GTF2E2: variants seen among roughly 807,000 people sequenced by gnomAD.
The protein encoded by GTF2E2 is transcription initiation factor IIE subunit beta.
Under a neutral mutation model 40.5 loss-of-function variants are expected in GTF2E2, and 21 were observed. The ratio of observed to expected loss-of-function variants is 0.52; its 90% confidence interval spans 0.37 to 0.75. The LOEUF (loss-of-function observed/expected upper bound fraction) is 0.75, where lower values mean the gene tolerates loss of function less well. GTF2E2 is among the 30% of genes least tolerant of loss of function. The pLI, the probability that GTF2E2 is intolerant of heterozygous loss-of-function variation, is 0.00. For missense variants in GTF2E2, 298 were observed against 338.4 expected (o/e 0.88, Z 0.94); for synonymous variants, 117 against 121.6 (o/e 0.96, Z 0.25).
chr8:30,593,748 C>CT (rs1433788970), intron 6 of GTF2E2, among the ~76,000 whole-genome samples: 1 of 152,140 alleles, frequency 6.6e-6, no homozygotes, highest in African/African-American at 2.4e-5. Context: ...TCCCAAAGTG[C>CT]TGGGATCACA....
intron 1 of GTF2E2, chr8:30,656,741 G>A (rs1437691465): frequency 6.8e-6 from 1 of 146,530 alleles, no homozygotes; most frequent in East Asian, 2.0e-4. Context: ...CAGGGACGTG[G>A]AGCTTGCAGT....
At chr8:30,621,131 G>C (rs1007126663) in intron 3 of GTF2E2, among the ~76,000 whole-genome samples, 28 of 151,768 alleles carry the variant, frequency 1.8e-4, no homozygotes, top group African/African-American at 6.6e-4. Context: ...ATTTTCCTTT[G>C]TTTCCTTTAC....
At position 30,653,477 on chromosome 8, in the gene GTF2E2, G is replaced by C. The variant is rs770238678; in HGVS notation, c.122C>G (p.Thr41Arg). The change falls in exon 2 of 8, where the codon ACA becomes AGA. Residue 41 changes from threonine to arginine, a missense_variant. Thr to Arg is a moderately conservative substitution (Grantham distance 71). Coordinates refer to ENST00000355904, the MANE Select transcript of GTF2E2 (RefSeq NM_002095.6). ...TGACGATCCTCCATGTTCTACCTTTGTTTTCTTCTTCTTTGACGATGATGA... is the reference window on the plus strand; with the variant it reads ...TGACGATCCTCCATGTTCTACCTTTCTTTTCTTCTTCTTTGACGATGATGA... ...SSSSSSKKKK[T>R]KVEHGGSSGS... 2 of 1,613,804 alleles carry C rather than the reference G, an allele frequency of 1.2e-6. No homozygotes were observed. The highest frequency in any genetic ancestry group is 1.1e-5 in the South Asian group (1 of 91,062).
intron 6 of GTF2E2, among the ~76,000 whole-genome samples, chr8:30,592,762 A>G (rs1047492657): frequency 2.0e-5 from 3 of 152,242 alleles, no homozygotes; most frequent in Non-Finnish European, 4.4e-5. Context: ...AAATATTTTC[A>G]GTCTATAGTT....
chr8:30,592,196 T>C (rs148981801), intron 6 of GTF2E2, among the ~76,000 whole-genome samples: 77 of 152,134 alleles, frequency 5.1e-4, no homozygotes, highest in Middle Eastern at 3.4e-3. Flanking sequence ...TGGGCAACAC[T>C]GCAAAATCCC....
chr8:30,637,603 A>C (rs1801650739), intron 2 of GTF2E2, among the ~76,000 whole-genome samples: 1 of 152,170 alleles, frequency 6.6e-6, no homozygotes, highest in Admixed American at 6.5e-5. Context: ...AACTCACTGC[A>C]ACCTCTGCCA....
At position 30,658,143 on chromosome 8, in the gene GTF2E2, T is replaced by TGGCGGCGGCGGC. The variant is rs576140574; in HGVS notation, c.-187_-176dup. 2.2e-4 allele frequency: 40 copies of TGGCGGCGGCGGC among 185,706 alleles called. 2 individuals are homozygous for TGGCGGCGGCGGC. Among genetic ancestry groups the TGGCGGCGGCGGC allele is most frequent in the East Asian group, 5.3e-4 (3 of 5,634 alleles). The allele number at this position is 185,706 out of a possible 1,614,324, so 11.5% of individuals were successfully genotyped here. On this transcript the variant is annotated 5_prime_UTR_variant, in exon 1 of 8. Coordinates refer to ENST00000355904, the MANE Select transcript of GTF2E2 (RefSeq NM_002095.6). The stretch of plus-strand genomic sequence containing the variant: ...CAGGTCGGGGTCTCACCACTGGCGG[T>TGGCGGCGGCGGC]GGCGGCGGCGGCGGCGGCAGCGGCG...
At chr8:30,643,732 A>G (rs1323029714) in intron 2 of GTF2E2, 2 of 151,604 alleles carry the variant, frequency 1.3e-5, no homozygotes, top group East Asian at 1.9e-4. Flanking sequence ...CTCACCTTTT[A>G]CTAAAGATTT....
intron 3 of GTF2E2, among the ~76,000 whole-genome samples, chr8:30,619,665 G>T (rs936998735): frequency 6.6e-6 from 1 of 152,028 alleles, no homozygotes; most frequent in Non-Finnish European, 1.5e-5. Flanking sequence ...GGGATTACAG[G>T]TGTGAGCCAC....
At chr8:30,636,706 A>T (rs925933614) in intron 2 of GTF2E2, among the ~76,000 whole-genome samples, 12 of 152,172 alleles carry the variant, frequency 7.9e-5, no homozygotes, top group African/African-American at 2.7e-4. Flanking sequence ...TCTCTACCAA[A>T]AATACAAAAA....
At chr8:30,599,580 CA>C (rs11374248) in intron 6 of GTF2E2, among the ~76,000 whole-genome samples, 17 of 114,054 alleles carry the variant, frequency 1.5e-4, no homozygotes, top group East Asian at 1.1e-3. Context: ...GTTTGTCTCA[CA>C]AAAAAAAAAA....
intron 6 of GTF2E2, among the ~76,000 whole-genome samples, chr8:30,589,313 T>C (rs1828772725): frequency 6.6e-6 from 1 of 152,176 alleles, no homozygotes; most frequent in African/African-American, 2.4e-5. Context: ...TCCCAGTACT[T>C]TGGGAGGCCA....
intron 2 of GTF2E2, among the ~76,000 whole-genome samples, chr8:30,652,887 T>C (rs890906625): frequency 2.0e-5 from 3 of 152,066 alleles, no homozygotes; most frequent in African/African-American, 7.3e-5. Flanking sequence ...CCAATAAAAA[T>C]GGAATGAAGT....
intron 6 of GTF2E2, among the ~76,000 whole-genome samples, chr8:30,601,061 T>A (rs1185137267): frequency 1.3e-5 from 2 of 152,198 alleles, no homozygotes; most frequent in African/African-American, 4.8e-5. Context: ...ACTTGTTTTG[T>A]TTTGTTTTTG....
chr8:30,623,830 G>A (rs549034972), intron 3 of GTF2E2, among the ~76,000 whole-genome samples: 5 of 152,096 alleles, frequency 3.3e-5, no homozygotes, highest in African/African-American at 1.2e-4. Flanking sequence ...AGATGTATCT[G>A]TTCGTATCCT....
rs750795352 is a variant in GTF2E2, at chr8:30,637,626, C to G, written c.167-2503G>C. ...GCAACCTCTGCCATTCGGGTTCAAGCAATTCTCCTGCCTCAACCTCCTGAA... is the reference window on the plus strand; with the variant it reads ...GCAACCTCTGCCATTCGGGTTCAAGGAATTCTCCTGCCTCAACCTCCTGAA... On this transcript the variant is annotated intron_variant, in intron 2 of 7. Coordinates refer to ENST00000355904, the MANE Select transcript of GTF2E2 (RefSeq NM_002095.6). Among the ~76,000 whole-genome samples the G allele has an allele frequency of 3.7e-4, 56 of 152,260 alleles. No individual in the cohort carries two copies. The Middle Eastern group carries it at 0.017, about 46-fold the overall frequency.
At chr8:30,598,652 AT>A (rs1829083444) in intron 6 of GTF2E2, among the ~76,000 whole-genome samples, 1 of 152,248 alleles carries the variant, frequency 6.6e-6, no homozygotes, top group Admixed American at 6.5e-5. Flanking sequence ...TATGTAAATC[AT>A]TTAAATATGA....
At chr8:30,586,786 G>A (rs562000829) in intron 6 of GTF2E2, among the ~76,000 whole-genome samples, 13 of 152,248 alleles carry the variant, frequency 8.5e-5, no homozygotes, top group South Asian at 4.1e-4. Context: ...AAAGGGTGTC[G>A]GGAAAACTGA....
At chr8:30,580,229 G>T in intron 7 of GTF2E2, 52 bp downstream of exon 7, 2 of 998,060 alleles carry the variant, frequency 2.0e-6, no homozygotes, top group Non-Finnish European at 3.2e-6. Context: ...AGCGGAGCAG[G>T]CTAACAGTTC....
Sources: allele counts gnomAD v4.1 joint callset (sites outside exome capture counted in the v4.1 genomes callset), GRCh38; gene constraint gnomAD v4.1.1; transcripts MANE v1.5; gene names NCBI Gene and HGNC (gene_info 2026-07-23, HGNC 2026-07-21).